SDC2: variants seen among roughly 807,000 people sequenced by gnomAD.
The protein encoded by SDC2 is syndecan 2, also known as syndecan-2.
In SDC2, 13 loss-of-function variants were observed where a neutral mutation model predicts 22.2. The ratio of observed to expected loss-of-function variants is 0.59; its 90% CI spans 0.38 to 0.93. The LOEUF (loss-of-function observed/expected upper bound fraction) is 0.93. Among genes scored for constraint, SDC2 ranks in the 40% least tolerant of loss-of-function variants. The pLI is 0.00. For synonymous variants in SDC2, 94 were observed against 92.8 expected (o/e 1.01, Z -0.07); for missense variants, 235 against 246.8 (o/e 0.95, Z 0.32).
chr8:96,598,893 T>C (rs886775578), intron 2 of SDC2, among the ~76,000 whole-genome samples: 3 of 151,654 alleles, frequency 2.0e-5, no homozygotes, highest in Non-Finnish European at 4.4e-5. Flanking sequence ...AATAAAGATA[T>C]TAAAAGCAGC....
At chr8:96,535,590 C>T (rs949475388) in intron 1 of SDC2, among the ~76,000 whole-genome samples, 6 of 152,136 alleles carry the variant, frequency 3.9e-5, no homozygotes, top group African/African-American at 1.2e-4. Context: ...ATTCTGACAA[C>T]GAAGAGGAAT....
At chr8:96,513,574 C>T (rs968395132) in intron 1 of SDC2, among the ~76,000 whole-genome samples, 2 of 152,178 alleles carry the variant, frequency 1.3e-5, no homozygotes, top group Non-Finnish European at 2.9e-5. Flanking sequence ...CTTTAGCATT[C>T]TACATGTGCC....
At position 96,508,270 on chromosome 8, in the gene SDC2, T is replaced by C. The variant is rs192200643; in HGVS notation, c.60+13939T>C. Among the ~76,000 whole-genome samples, 256 of 150,674 alleles carry C rather than the reference T, an allele frequency of 1.7e-3. 1 individual carries two copies. The highest frequency in any genetic ancestry group is 5.7e-3 in the African/African-American group (233 of 41,082). On this transcript the variant is annotated intron_variant, in intron 1 of 4. Coordinates refer to ENST00000302190, the MANE Select transcript of SDC2 (RefSeq NM_002998.4). ...GAGATCGCGCCACTGCACTCCAGCC[T>C]GGGCAACAGAGTGAGACTCCGTCTC...
At chr8:96,589,105 T>C (rs565778425) in intron 1 of SDC2, among the ~76,000 whole-genome samples, 70 of 152,370 alleles carry the variant, frequency 4.6e-4, no homozygotes, top group African/African-American at 1.5e-3. Context: ...TTATTACAAC[T>C]ACCGTATAAG....
intron 1 of SDC2, among the ~76,000 whole-genome samples, chr8:96,555,966 G>A (rs1814102990): frequency 6.6e-6 from 1 of 151,994 alleles, no homozygotes; most frequent in African/African-American, 2.4e-5. Flanking sequence ...CTCAGTGAAA[G>A]CTACACCTTT....
At chr8:96,500,745 T>C (rs1813149013) in intron 1 of SDC2, among the ~76,000 whole-genome samples, 1 of 151,854 alleles carries the variant, frequency 6.6e-6, no homozygotes, top group Non-Finnish European at 1.5e-5. Context: ...ATTAAAAATC[T>C]CAACTGCATT....
chr8:96,596,974 A>G (rs28437683), intron 2 of SDC2, among the ~76,000 whole-genome samples: 49,219 of 151,912 alleles, frequency 0.32, 9,256 homozygotes, highest in African/African-American at 0.54. Flanking sequence ...TGTTAAACTC[A>G]GGATGATTGG....
intron 1 of SDC2, among the ~76,000 whole-genome samples, chr8:96,533,343 G>A (rs1334549796): frequency 6.6e-6 from 1 of 152,180 alleles, no homozygotes; most frequent in African/African-American, 2.4e-5. Flanking sequence ...TGATTGGTCT[G>A]TTTTATAGAG....
chr8:96,608,588 G>T lies in SDC2; in HGVS notation c.442+118G>T, dbSNP rs950134086. ...ATCTTTCTGCTGAAAGCAGTCTTGT[G>T]GGTGCTTGATTCCAGAGCGAGAAGC... is the stretch of plus-strand genomic sequence containing the variant. On this transcript the variant is annotated intron_variant, in intron 4 of 4. Coordinates refer to ENST00000302190, the MANE Select transcript of SDC2 (RefSeq NM_002998.4). 6 of 899,992 alleles carry T rather than the reference G, an allele frequency of 6.7e-6. No homozygotes were observed. The Admixed American group carries it at 1.4e-4, about 21-fold the overall frequency. 55.8% of individuals were successfully genotyped at this position (899,992 alleles called of 1,614,324 possible).
At chr8:96,510,644 A>G (rs1404917103) in intron 1 of SDC2, among the ~76,000 whole-genome samples, 1 of 152,170 alleles carries the variant, frequency 6.6e-6, no homozygotes, top group Non-Finnish European at 1.5e-5. Flanking sequence ...ACTGCCACTC[A>G]ACATGTATCT....
chr8:96,547,814 G>A (rs1813960144), intron 1 of SDC2, among the ~76,000 whole-genome samples: 1 of 151,288 alleles, frequency 6.6e-6, no homozygotes, highest in African/African-American at 2.4e-5. Flanking sequence ...AGGCTGGCAT[G>A]CAGTGGCATG....
intron 1 of SDC2, among the ~76,000 whole-genome samples, chr8:96,573,545 G>A (rs569345059): frequency 1.2e-4 from 18 of 152,000 alleles, no homozygotes; most frequent in Admixed American, 2.0e-4. Context: ...GGACAGCAGC[G>A]ACTATTGTCA....
At chr8:96,528,620 C>T (rs60923391) in intron 1 of SDC2, among the ~76,000 whole-genome samples, 3,615 of 152,240 alleles carry the variant, frequency 0.024, 142 homozygotes, top group African/African-American at 0.083. Context: ...TAAAAATAGT[C>T]TTTCTAATTT....
chr8:96,516,565 A>G (rs779933585), intron 1 of SDC2, among the ~76,000 whole-genome samples: 1 of 151,894 alleles, frequency 6.6e-6, no homozygotes, highest in Non-Finnish European at 1.5e-5. Context: ...AAAAACCTGT[A>G]CCCATTTGCA....
chr8:96,551,272 T>C (rs770785015), intron 1 of SDC2, among the ~76,000 whole-genome samples: 19 of 152,182 alleles, frequency 1.2e-4, no homozygotes, highest in Non-Finnish European at 2.1e-4. Flanking sequence ...CTAAGTGGGA[T>C]TGAGAGAAAA....
intron 1 of SDC2, among the ~76,000 whole-genome samples, chr8:96,518,842 C>T (rs1230664122): frequency 2.0e-5 from 3 of 152,064 alleles, no homozygotes; most frequent in African/African-American, 4.8e-5. Context: ...AGTTTTAATC[C>T]GTTAAATTTT....
At chr8:96,599,936 C>G (rs1310189634) in intron 2 of SDC2, among the ~76,000 whole-genome samples, 1 of 152,132 alleles carries the variant, frequency 6.6e-6, no homozygotes, top group Non-Finnish European at 1.5e-5. Flanking sequence ...AGCTCAGGAG[C>G]TCGAGACCAA....
chr8:96,587,357 A>C (rs1257888754), intron 1 of SDC2, among the ~76,000 whole-genome samples: 3 of 152,208 alleles, frequency 2.0e-5, no homozygotes, highest in African/African-American at 7.2e-5. Context: ...TAAGCCTAGG[A>C]AATTGCTACA....
intron 1 of SDC2, among the ~76,000 whole-genome samples, chr8:96,570,275 T>A (rs183203153): frequency 6.6e-6 from 1 of 152,266 alleles, no homozygotes; most frequent in East Asian, 1.9e-4. Context: ...TAACTAGTAG[T>A]CTCCAGTGAT....
Sources: gnomAD v4.1 joint callset for allele counts (sites outside exome capture counted in the v4.1 genomes callset) on GRCh38, gnomAD v4.1.1 for gene constraint, MANE v1.5 for transcripts, NCBI Gene and HGNC (gene_info 2026-07-23, HGNC 2026-07-21) for gene names.